The following THEM6 variants were observed in gnomAD, a reference collection of about 807,000 sequenced individuals.
THEM6 encodes the protein thioesterase superfamily member 6.
In THEM6, 10 loss-of-function variants were observed where a neutral mutation model predicts 13.7. The observed-to-expected ratio is 0.73, with a 90% confidence interval of 0.45 to 1.24. THEM6 has a LOEUF of 1.24. THEM6 is among the 50% of genes most tolerant of loss of function. The pLI is 0.00. For missense variants in THEM6, 317 were observed against 312.6 expected (o/e 1.01, Z -0.11); for synonymous variants, 161 against 156.0 (o/e 1.03, Z -0.24).
chr8:142,730,395 T>C (rs1333878600), intron 1 of THEM6, among the ~76,000 whole-genome samples: 2 of 152,236 alleles, frequency 1.3e-5, no homozygotes, highest in African/African-American at 4.8e-5. Context: ...AAAAGTCTTT[T>C]AGTTCTGAGG....
chr8:142,727,478 G>T lies in THEM6; in HGVS notation c.132G>T (p.Leu44=). 6.3e-7 allele frequency: 1 copy of T among 1,576,268 alleles called. No individual in the cohort carries two copies. The highest frequency in any genetic ancestry group is 1.4e-5 in the African/African-American group (1 of 72,552). ...ARLLQPRVRD[L]LAEQRFPGRV... ...TGCTGCAGCCGCGCGTCCGTGACCT[G>T]CTAGCTGAGCAGCGCTTCCCGGGCC... The change falls in exon 1 of 2, where the codon CTG becomes CTT. Residue 44 remains leucine (L), a synonymous_variant. Transcript: ENST00000336138.
chr8:142,729,039 A>T (rs1256159184), intron 1 of THEM6, among the ~76,000 whole-genome samples: 1 of 142,702 alleles, frequency 7.0e-6, no homozygotes, highest in Non-Finnish European at 1.5e-5. Flanking sequence ...TTCCGGGTTC[A>T]CGCCATTCTC....
At chr8:142,731,713 G>A (rs116581793) in intron 1 of THEM6, among the ~76,000 whole-genome samples, 170 of 151,752 alleles carry the variant, frequency 1.1e-3, no homozygotes, top group African/African-American at 3.9e-3. Flanking sequence ...GAGTTCTCCC[G>A]CTCCTGCAGC....
chr8:142,727,548 G>A lies in THEM6; in HGVS notation c.202G>A (p.Ala68Thr). ...GGACCTGCTGCTGCACATGAACAAC[G>A]CGCGCTACCTGCGCGAGGCCGACTT... ...DLDLLLHMNNARYLREADFAR... is the reference protein window; with the variant it reads ...DLDLLLHMNNTRYLREADFAR... Residue 68 changes from alanine (A) to threonine (T), a missense_variant, in exon 1 of 2, where the codon GCG becomes ACG. Transcript: ENST00000336138. 6.4e-7 allele frequency: 1 copy of A among 1,561,800 alleles called. No homozygotes were observed. The highest frequency in any genetic ancestry group is 1.2e-5 in the South Asian group (1 of 86,268).
At chr8:142,734,011 C>T (rs1043277893) in intron 1 of THEM6, among the ~76,000 whole-genome samples, 1 of 152,174 alleles carries the variant, frequency 6.6e-6, no homozygotes, top group Non-Finnish European at 1.5e-5. Context: ...ATGAAGCCTC[C>T]AGGCTGCAGG....
intron 1 of THEM6, among the ~76,000 whole-genome samples, chr8:142,731,035 G>A (rs587593510): frequency 7.9e-5 from 12 of 152,294 alleles, no homozygotes; most frequent in Admixed American, 3.9e-4. Flanking sequence ...GTGAGCCACC[G>A]TGCCCGGCCA....
chr8:142,729,331 G>T (rs935043808), intron 1 of THEM6, among the ~76,000 whole-genome samples: 1 of 152,138 alleles, frequency 6.6e-6, no homozygotes, highest in Non-Finnish European at 1.5e-5. Context: ...TGCAGAAAGG[G>T]TACACTCGCC....
chr8:142,732,579 C>T (rs1015379361), intron 1 of THEM6, among the ~76,000 whole-genome samples: 2 of 152,162 alleles, frequency 1.3e-5, no homozygotes, highest in East Asian at 3.9e-4. Flanking sequence ...CACATACACA[C>T]ATTCAGCCCT....
In THEM6 at chr8:142,736,889, A is replaced by T. The variant is rs1587587434; in HGVS notation, c.*1450A>T. On this transcript the variant is annotated 3_prime_UTR_variant, in exon 2 of 2. Transcript: ENST00000336138. ...GGGAAAGCTGCAACCTTTCTGTTTTATTTAAAGAAAGCCCAACATTAAAGG... is the reference window on the plus strand; with the variant it reads ...GGGAAAGCTGCAACCTTTCTGTTTTTTTTAAAGAAAGCCCAACATTAAAGG... 6.6e-6 allele frequency: 1 copy of T among 152,332 alleles called. No homozygotes were observed. The highest frequency in any genetic ancestry group is 2.4e-5 in the African/African-American group (1 of 41,566). 9.4% of individuals were successfully genotyped at this position (152,332 alleles called of 1,614,324 possible). A position where few individuals can be genotyped will look rare whatever the true frequency, so the allele number is the denominator to read the frequency against.
Position 142,727,324 on chromosome 8 carries a change from A to T in THEM6, c.-23A>T. 6.7e-7 allele frequency: 1 copy of T among 1,495,354 alleles called. No homozygotes were observed. The highest frequency in any genetic ancestry group is 2.7e-5 in the East Asian group (1 of 36,376). 92.6% of individuals were successfully genotyped at this position (1,495,354 alleles called of 1,614,324 possible). On this transcript the variant is annotated 5_prime_UTR_variant, in exon 1 of 2. Coordinates refer to ENST00000336138, the MANE Select transcript of THEM6 (RefSeq NM_016647.3). ...GCACCGGCGCCACGGACTCCGCAGG[A>T]CCCCGCGCCCGCCGCCGCCGCTATG...
Position 142,727,289 on chromosome 8 carries a change from G to GCGGACA in THEM6, c.-56_-51dup. On this transcript the variant is annotated 5_prime_UTR_variant, in exon 1 of 2. Transcript: ENST00000336138. ...CCTGGCGGGCACCGTAACCAGCGCC[G>GCGGACA]CGGACACCGGCACCGGCGCCACGGA... The GCGGACA allele has an allele frequency of 1.4e-6, 2 of 1,405,700 alleles. No individual in the cohort carries two copies. Among genetic ancestry groups the GCGGACA allele is most frequent in the Non-Finnish European group, 1.8e-6 (2 of 1,087,856 alleles). The allele number at this position is 1,405,700 out of a possible 1,614,324, so 87.1% of individuals were successfully genotyped here. A position where few individuals can be genotyped will look rare whatever the true frequency, so the allele number is the denominator to read the frequency against.
At chr8:142,728,676 CAAGG>C (rs1486715696) in intron 1 of THEM6, among the ~76,000 whole-genome samples, 1 of 152,190 alleles carries the variant, frequency 6.6e-6, no homozygotes, top group Non-Finnish European at 1.5e-5. Flanking sequence ...ATCCAGACCT[CAAGG>C]GAGGGTTCTT....
intron 1 of THEM6, among the ~76,000 whole-genome samples, chr8:142,731,189 C>T (rs1815639687): frequency 6.6e-6 from 1 of 152,174 alleles, no homozygotes; most frequent in African/African-American, 2.4e-5. Flanking sequence ...GTGCTTTTAA[C>T]ATCCAGTTCA....
At chr8:142,732,235 T>G in intron 1 of THEM6, among the ~76,000 whole-genome samples, 1 of 134,886 alleles carries the variant, frequency 7.4e-6, no homozygotes, top group East Asian at 2.2e-4. Flanking sequence ...TGTGTGAGGT[T>G]CAACCCCCTG....
Position 142,727,710 on chromosome 8 carries a change from C to T in THEM6, c.364C>T (p.Arg122Cys), listed in dbSNP as rs782229664. 6 of 1,433,806 alleles carry T rather than the reference C, an allele frequency of 4.2e-6. No individual in the cohort carries two copies. Among genetic ancestry groups the T allele is most frequent in the Non-Finnish European group, 5.4e-6 (6 of 1,104,442 alleles). 88.8% of individuals were successfully genotyped at this position (1,433,806 alleles called of 1,614,324 possible). Residue 122 changes from arginine (R) to cysteine (C), a missense_variant, in exon 1 of 2, where the codon CGC becomes TGC. Coordinates refer to ENST00000336138, the MANE Select transcript of THEM6 (RefSeq NM_016647.3). ...GCTGGAGCCCTTCGAGGTGCGCACC[C>T]GCCTGCTGGGCTGGGACGACCGCGC... ...RLLEPFEVRT[R>C]LLGWDDRAFY...
At chr8:142,733,249 C>G (rs908088863) in intron 1 of THEM6, among the ~76,000 whole-genome samples, 5 of 152,216 alleles carry the variant, frequency 3.3e-5, no homozygotes, top group African/African-American at 1.2e-4. Context: ...AGGCTATGAC[C>G]TAATGCCCGC....
rs1205150362 is a variant in THEM6 at position 142,727,580 on chromosome 8, C to T, written c.234C>T (p.Arg78=). 7.2e-6 allele frequency: 11 copies of T among 1,529,840 alleles called. No homozygotes were observed. The highest frequency in any genetic ancestry group is 1.8e-4 in the Middle Eastern group (1 of 5,638). The allele number at this position is 1,529,840 out of a possible 1,614,324, so 94.8% of individuals were successfully genotyped here. ...ARYLREADFA[R]VAHLTRCGVL... is the part of the protein sequence containing the mutation. ...ACCTGCGCGAGGCCGACTTTGCGCGCGTCGCGCACCTGACCCGCTGCGGGG... is the reference window on the plus strand; with the variant it reads ...ACCTGCGCGAGGCCGACTTTGCGCGTGTCGCGCACCTGACCCGCTGCGGGG... The change falls in exon 1 of 2, where the codon CGC becomes CGT. Residue 78 remains arginine, a synonymous_variant. Coordinates refer to ENST00000336138, the MANE Select transcript of THEM6 (RefSeq NM_016647.3).
chr8:142,727,768 G>C lies in THEM6; in HGVS notation c.422G>C (p.Arg141Pro). The change falls in exon 1 of 2, where the codon CGG becomes CCG. Residue 141 changes from arginine to proline, a missense_variant. Physicochemically the swap from Arg to Pro is moderately radical, Grantham distance 103. Transcript: ENST00000336138. ...CTGGAGGCGCGCTTTGTCAGCCTGC[G>C]GGACGGCTTCGTGTGCGCGCTGCTG... ...FYLEARFVSL[R>P]DGFVCALLRF... is the part of the protein sequence containing the mutation. 3 of 1,458,602 alleles carry C rather than the reference G, an allele frequency of 2.1e-6. 1 individual carries two copies. The highest frequency in any genetic ancestry group is 2.7e-6 in the Non-Finnish European group (3 of 1,114,904). 90.4% of individuals were successfully genotyped at this position (1,458,602 alleles called of 1,614,324 possible). A position where few individuals can be genotyped will look rare whatever the true frequency, so the allele number is the denominator to read the frequency against.
At chr8:142,733,278 G>A (rs1221738199) in intron 1 of THEM6, among the ~76,000 whole-genome samples, 1 of 152,252 alleles carries the variant, frequency 6.6e-6, no homozygotes, top group Non-Finnish European at 1.5e-5. Flanking sequence ...GTATAAGCAT[G>A]CCAGGGCAAA....
Sources: allele counts gnomAD v4.1 joint callset (sites outside exome capture counted in the v4.1 genomes callset), GRCh38; gene constraint gnomAD v4.1.1; transcripts MANE v1.5; gene names NCBI Gene and HGNC (gene_info 2026-07-23, HGNC 2026-07-21).